The following GSG1L variants were observed in gnomAD, a reference collection of about 807,000 sequenced individuals.
GSG1L encodes the protein germ cell-specific gene 1-like protein.
GSG1L carries 24 observed loss-of-function variants against 42.1 expected under a neutral mutation model. That is an observed-to-expected ratio of 0.57 (90% confidence interval 0.41 to 0.80). The LOEUF (loss-of-function observed/expected upper bound fraction) is 0.80, where lower values mean the gene tolerates loss of function less well. Ranked by LOEUF, GSG1L falls within the 30% of genes least tolerant of loss-of-function variation. The probability of loss-of-function intolerance (pLI) is 0.00; values close to 1 mark genes in which losing one functional copy is unlikely to be tolerated. For missense variants in GSG1L, 445 were observed against 472.2 expected (o/e 0.94, Z 0.53); for synonymous variants, 215 against 203.5 (o/e 1.06, Z -0.48).
At chr16:28,001,306 C>T (rs750492619) in intron 1 of GSG1L, among the ~76,000 whole-genome samples, 15 of 152,192 alleles carry the variant, frequency 9.9e-5, no homozygotes, top group Non-Finnish European at 2.1e-4. Context: ...CTGGGTCTTT[C>T]AACCCCAGGG....
chr16:27,961,063 G>A (rs551107938), intron 2 of GSG1L, among the ~76,000 whole-genome samples: 3 of 152,084 alleles, frequency 2.0e-5, no homozygotes, highest in Non-Finnish European at 2.9e-5. Context: ...ATTCACACAC[G>A]CACTCACATG....
intron 1 of GSG1L, among the ~76,000 whole-genome samples, chr16:28,022,570 G>A (rs967437682): frequency 6.6e-6 from 1 of 152,250 alleles, no homozygotes; most frequent in South Asian, 2.1e-4. Context: ...CGCCTTCTGG[G>A]TTCAAGCAAT....
At chr16:27,824,963 T>G (rs2083192822) in intron 5 of GSG1L, among the ~76,000 whole-genome samples, 1 of 152,252 alleles carries the variant, frequency 6.6e-6, no homozygotes, top group Non-Finnish European at 1.5e-5. Flanking sequence ...TGTGCCATGC[T>G]GGGCATTGCC....
chr16:27,883,441 C>T (rs1026289094), intron 3 of GSG1L, among the ~76,000 whole-genome samples: 1 of 152,108 alleles, frequency 6.6e-6, no homozygotes, highest in Non-Finnish European at 1.5e-5. Flanking sequence ...TTTCCCACAT[C>T]CTGGGGATGA....
intron 1 of GSG1L, among the ~76,000 whole-genome samples, chr16:28,001,758 T>C (rs375257657): frequency 6.6e-6 from 1 of 152,162 alleles, no homozygotes; most frequent in African/African-American, 2.4e-5. Flanking sequence ...GCCCAGTGGA[T>C]AGAGTATGTA....
At position 27,958,298 on chromosome 16, in the gene GSG1L, G is replaced by A. The variant is rs554238665; in HGVS notation, c.397+4858C>T. On this transcript the variant is annotated intron_variant, in intron 2 of 6. Coordinates refer to ENST00000447459, the MANE Select transcript of GSG1L (RefSeq NM_001109763.2). ...TAGGTGCCTGTAATCCCAGCTAGTC[G>A]GAAGGCTGAGGTAGGAGAATTGCTT... Among the ~76,000 whole-genome samples the A allele has an allele frequency of 8.6e-5, 13 of 151,696 alleles. No homozygotes were observed. The South Asian group carries it at 1.0e-3, about 12-fold the overall frequency.
chr16:27,916,199 G>C (rs1308976826), intron 2 of GSG1L, among the ~76,000 whole-genome samples: 1 of 152,100 alleles, frequency 6.6e-6, no homozygotes, highest in Admixed American at 6.5e-5. Context: ...CTTCCCAGGG[G>C]GTCAGTCTCT....
chr16:27,865,572 T>TATATAC (rs2083711295), intron 3 of GSG1L, among the ~76,000 whole-genome samples: 1 of 21,542 alleles, frequency 4.6e-5, no homozygotes, highest in Non-Finnish European at 9.2e-5. Flanking sequence ...TATATATATA[T>TATATAC]ACACACACAC....
intron 3 of GSG1L, among the ~76,000 whole-genome samples, chr16:27,863,629 G>A (rs760563097): frequency 1.3e-5 from 2 of 152,190 alleles, no homozygotes; most frequent in African/African-American, 2.4e-5. Flanking sequence ...TGATATCCCA[G>A]AGGTACAGCT....
At chr16:27,832,304 C>A (rs1260800426) in intron 4 of GSG1L, among the ~76,000 whole-genome samples, 1 of 152,160 alleles carries the variant, frequency 6.6e-6, no homozygotes, top group Non-Finnish European at 1.5e-5. Flanking sequence ...ATATCACAAG[C>A]AGGATATTGA....
chr16:27,902,945 G>A (rs1349910174), intron 2 of GSG1L, among the ~76,000 whole-genome samples: 1 of 152,106 alleles, frequency 6.6e-6, no homozygotes, highest in African/African-American at 2.4e-5. Flanking sequence ...AGGTGGCAGT[G>A]GAAGGCAGCT....
At chr16:27,907,439 T>G (rs1328164186) in intron 2 of GSG1L, among the ~76,000 whole-genome samples, 1 of 152,210 alleles carries the variant, frequency 6.6e-6, no homozygotes, top group African/African-American at 2.4e-5. Flanking sequence ...TCCTTGACTG[T>G]CCCTGCAAGG....
intron 5 of GSG1L, among the ~76,000 whole-genome samples, chr16:27,809,113 C>T (rs2083001600): frequency 6.6e-6 from 1 of 152,176 alleles, no homozygotes; most frequent in South Asian, 2.1e-4. Flanking sequence ...CAACTCCAGG[C>T]TAGGCATGGT....
intron 3 of GSG1L, among the ~76,000 whole-genome samples, chr16:27,864,363 T>C (rs2083691008): frequency 6.6e-6 from 1 of 152,164 alleles, no homozygotes; most frequent in Admixed American, 6.5e-5. Flanking sequence ...AAAAGGATGC[T>C]ATCAAGGCAA....
intron 1 of GSG1L, among the ~76,000 whole-genome samples, chr16:28,033,608 A>G (rs1406620311): frequency 6.6e-6 from 1 of 152,158 alleles, no homozygotes; most frequent in African/African-American, 2.4e-5. Flanking sequence ...ACTCTTGGGG[A>G]ATTCTCCTAA....
chr16:27,988,223 C>T (rs1016756199), intron 1 of GSG1L, among the ~76,000 whole-genome samples: 1 of 151,694 alleles, frequency 6.6e-6, no homozygotes, highest in Non-Finnish European at 1.5e-5. Context: ...TGATATAAGA[C>T]AGTACAAAAT....
chr16:27,946,656 AAAAGAAAGAAAG>A (rs1211575909), intron 2 of GSG1L, among the ~76,000 whole-genome samples: 7 of 27,392 alleles, frequency 2.6e-4, no homozygotes, highest in Non-Finnish European at 4.0e-4. Flanking sequence ...AGAAAGAAAG[AAAAGAAAGAAAG>A]AAAGAAAGAA....
chr16:27,918,667 GA>G (rs11314607), intron 2 of GSG1L, among the ~76,000 whole-genome samples: 87,075 of 141,558 alleles, frequency 0.62, 26,735 homozygotes, highest in East Asian at 0.82. Context: ...TCAAAAAAAA[GA>G]AAAAAAAAAA....
intron 3 of GSG1L, among the ~76,000 whole-genome samples, chr16:27,876,494 C>T (rs1596577038): frequency 1.3e-5 from 2 of 152,210 alleles, no homozygotes; most frequent in African/African-American, 4.8e-5. Flanking sequence ...GCGCATGGCT[C>T]ACATTCACTC....
Sources: allele counts gnomAD v4.1 joint callset (sites outside exome capture counted in the v4.1 genomes callset), GRCh38; gene constraint gnomAD v4.1.1; transcripts MANE v1.5; gene names NCBI Gene and HGNC (gene_info 2026-07-23, HGNC 2026-07-21).